The following SEM1 variants were observed in gnomAD, a reference collection of about 807,000 sequenced individuals.
The protein encoded by SEM1 is SEM1 26S proteasome subunit.
A neutral mutation model predicts 12.7 loss-of-function variants in SEM1; 3 were observed. That is an observed-to-expected ratio of 0.24 (90% CI 0.11 to 0.61). SEM1 has a LOEUF of 0.61. SEM1 is among the 20% of genes least tolerant of loss of function. SEM1 has a pLI of 0.88. For synonymous variants in SEM1, 30 were observed against 27.8 expected, an observed-to-expected ratio of 1.08 and a Z score of -0.25; for missense variants, 59 against 81.3, an observed-to-expected ratio of 0.73 and a Z score of 1.06.
At chr7:96,576,646 A>G (rs1214957098) in intron 2 of SEM1, among the ~76,000 whole-genome samples, 4 of 152,150 alleles carry the variant, frequency 2.6e-5, no homozygotes, top group Non-Finnish European at 2.9e-5. Flanking sequence ...TGTTCATACT[A>G]TGAACTTGCC....
At chr7:96,519,296 C>T (rs1340751380) in intron 2 of SEM1, among the ~76,000 whole-genome samples, 1 of 152,034 alleles carries the variant, frequency 6.6e-6, no homozygotes, top group Non-Finnish European at 1.5e-5. Context: ...ATCTGCCAGG[C>T]GTTGCTTTAG....
intron 2 of SEM1, among the ~76,000 whole-genome samples, chr7:96,628,637 A>T (rs1049998623): frequency 6.6e-6 from 1 of 152,104 alleles, no homozygotes; most frequent in East Asian, 1.9e-4. Flanking sequence ...CAATTGTTTC[A>T]TCTTTTCATC....
intron 2 of SEM1, among the ~76,000 whole-genome samples, chr7:96,557,794 C>T (rs902452705): frequency 1.6e-4 from 25 of 152,012 alleles, no homozygotes; most frequent in Non-Finnish European, 1.5e-5. Flanking sequence ...CCCAGCCTCG[C>T]TGCCGCCTTG....
intron 2 of SEM1, among the ~76,000 whole-genome samples, chr7:96,625,165 C>A (rs1276041591): frequency 2.6e-5 from 4 of 152,180 alleles, no homozygotes; most frequent in Non-Finnish European, 5.9e-5. Context: ...AGCCAGCCTG[C>A]TCAGGTGAGT....
chr7:96,522,989 A>G (rs1446547933), intron 2 of SEM1, among the ~76,000 whole-genome samples: 1 of 151,354 alleles, frequency 6.6e-6, no homozygotes, highest in Non-Finnish European at 1.5e-5. Flanking sequence ...TCTATCCTCT[A>G]TGTTGCCAAT....
intron 2 of SEM1, among the ~76,000 whole-genome samples, chr7:96,635,220 A>C (rs1303110926): frequency 1.3e-5 from 2 of 152,150 alleles, no homozygotes; most frequent in African/African-American, 4.8e-5. Context: ...GATACTAAGA[A>C]GACTAGAGAA....
At chr7:96,647,768 G>A (rs1381378133) in intron 2 of SEM1, among the ~76,000 whole-genome samples, 3 of 152,206 alleles carry the variant, frequency 2.0e-5, no homozygotes, top group Non-Finnish European at 4.4e-5. Flanking sequence ...AACCTGAAAT[G>A]TGCAATCTGT....
intron 2 of SEM1, among the ~76,000 whole-genome samples, chr7:96,557,672 G>A (rs1288912596): frequency 7.4e-6 from 1 of 134,476 alleles, no homozygotes; most frequent in Non-Finnish European, 1.7e-5. Flanking sequence ...CCCAGAGGTG[G>A]AGCCTACAGA....
intron 1 of SEM1, among the ~76,000 whole-genome samples, chr7:96,704,324 G>A (rs916825591): frequency 7.9e-5 from 12 of 151,960 alleles, no homozygotes; most frequent in African/African-American, 2.9e-4. Context: ...AATTGTAGAG[G>A]GAAACTGTGT....
chr7:96,673,360 C>G (rs965225533), downstream of SEM1: 4 of 168,494 alleles, frequency 2.4e-5, no homozygotes, highest in Admixed American at 1.7e-4. Flanking sequence ...GGTGATCCAC[C>G]TGCCTTGCCC....
At chr7:96,670,419 G>GA (rs988306457), downstream of SEM1, among the ~76,000 whole-genome samples, 10 of 151,930 alleles carry the variant, frequency 6.6e-5, no homozygotes, top group African/African-American at 1.5e-4. Flanking sequence ...AGAGAAGGTA[G>GA]AAAAAAAATC....
intron 2 of SEM1, among the ~76,000 whole-genome samples, chr7:96,512,729 G>A (rs759483079): frequency 2.6e-5 from 4 of 152,054 alleles, no homozygotes; most frequent in African/African-American, 7.2e-5. Flanking sequence ...ACACTCATGG[G>A]TTTGTGATCA....
rs1359348585 is a variant in SEM1, at chr7:96,605,136, A to G, written c.170+89662T>C. ...ATAATTCATGAATTCATTAGTTTTA[A>G]TAACCCTTCTAAACTCTTGCTTTTC... On this transcript the variant is annotated intron_variant and NMD_transcript_variant, in intron 2 of 3. Transcript: ENST00000466986. Among the ~76,000 whole-genome samples, 5 of 152,172 alleles carry G rather than the reference A, an allele frequency of 3.3e-5. No homozygotes were observed. In the East Asian group the frequency reaches 9.6e-4, roughly 29 times the overall value.
chr7:96,678,869 A>C (rs1789521412), intron 2 of SEM1, among the ~76,000 whole-genome samples: 1 of 152,156 alleles, frequency 6.6e-6, no homozygotes. Flanking sequence ...GTCTACAACA[A>C]TAAATTTTAA....
At chr7:96,643,162 C>A (rs970450484) in intron 2 of SEM1, among the ~76,000 whole-genome samples, 1 of 151,972 alleles carries the variant, frequency 6.6e-6, no homozygotes, top group African/African-American at 2.4e-5. Flanking sequence ...TCCATGTGTT[C>A]TCATCATTTC....
At chr7:96,570,014 G>T (rs1409971967) in intron 2 of SEM1, among the ~76,000 whole-genome samples, 1 of 151,778 alleles carries the variant, frequency 6.6e-6, no homozygotes, top group Non-Finnish European at 1.5e-5. Flanking sequence ...TTTTGATAAC[G>T]ATTTACTTCC....
downstream of SEM1, among the ~76,000 whole-genome samples, chr7:96,671,753 G>A (rs533956702): frequency 6.6e-6 from 1 of 152,306 alleles, no homozygotes; most frequent in East Asian, 1.9e-4. Flanking sequence ...AGACATTGCG[G>A]AGCATGCCTG....
chr7:96,680,070 T>C (rs1054325081), intron 2 of SEM1, among the ~76,000 whole-genome samples: 1 of 152,074 alleles, frequency 6.6e-6, no homozygotes, highest in African/African-American at 2.4e-5. Context: ...TCTCAACCAA[T>C]GACTGACGAG....
At chr7:96,490,262 A>G (rs1284035654) in intron 1 of SEM1, among the ~76,000 whole-genome samples, 1 of 152,208 alleles carries the variant, frequency 6.6e-6, no homozygotes, top group African/African-American at 2.4e-5. Flanking sequence ...TGAAGTGTTT[A>G]TCTGTATGAC....
Sources: gnomAD v4.1 joint callset for allele counts (sites outside exome capture counted in the v4.1 genomes callset) on GRCh38, gnomAD v4.1.1 for gene constraint, MANE v1.5 for transcripts, NCBI Gene and HGNC (gene_info 2026-07-23, HGNC 2026-07-21) for gene names.